Variants in XKR9 observed in about 807,000 individuals in gnomAD.
The protein encoded by XKR9 is XK-related protein 9.
In XKR9, 32 loss-of-function variants were observed where a neutral mutation model predicts 32.0. The ratio of observed to expected loss-of-function variants is 1.00; its 90% CI spans 0.76 to 1.34. The LOEUF is 1.34. Among genes scored for constraint, XKR9 ranks in the 40% most tolerant of loss-of-function variants. The pLI, the probability that XKR9 is intolerant of heterozygous loss-of-function variation, is 0.00. For synonymous variants in XKR9, 168 were observed against 143.4 expected (o/e 1.17, Z -1.22); for missense variants, 546 against 429.7 (o/e 1.27, Z -2.39).
the XKR9 span, among the ~76,000 whole-genome samples, chr8:71,022,335 T>G: frequency 6.6e-6 from 1 of 152,206 alleles, no homozygotes; most frequent in African/African-American, 2.4e-5. Flanking sequence ...ATTCCTTTAG[T>G]TTTTGCTTGT....
At chr8:70,885,565 C>T in the XKR9 span, among the ~76,000 whole-genome samples, 1 of 151,826 alleles carries the variant, frequency 6.6e-6, no homozygotes, top group Admixed American at 6.6e-5. Flanking sequence ...TCTCCCTCCC[C>T]TTTCCGTTGA....
the XKR9 span, among the ~76,000 whole-genome samples, chr8:71,023,893 A>G: frequency 2.0e-5 from 3 of 152,156 alleles, no homozygotes; most frequent in African/African-American, 4.8e-5. Context: ...GACAGGGCAG[A>G]GCAATCCCCA....
chr8:70,751,596 C>T (rs79594531), intron 2 of XKR9, among the ~76,000 whole-genome samples: 14 of 152,184 alleles, frequency 9.2e-5, no homozygotes, highest in East Asian at 5.8e-4. Context: ...AGGTACCATA[C>T]GATCATTTGA....
intron 2 of XKR9, among the ~76,000 whole-genome samples, chr8:70,766,516 T>C (rs1807377911): frequency 6.6e-6 from 1 of 152,216 alleles, no homozygotes; most frequent in African/African-American, 2.4e-5. Flanking sequence ...TGGGGTTTTC[T>C]AAATATACAA....
At chr8:70,696,979 CTGTT>C (rs1312647439) in intron 3 of XKR9, among the ~76,000 whole-genome samples, 5 of 151,410 alleles carry the variant, frequency 3.3e-5, no homozygotes, top group Non-Finnish European at 7.4e-5. Flanking sequence ...ATTTGGCTCT[CTGTT>C]TGTCTGTTAT....
At chr8:70,703,115 T>C (rs1221247976) in intron 3 of XKR9, among the ~76,000 whole-genome samples, 1 of 152,200 alleles carries the variant, frequency 6.6e-6, no homozygotes, top group Non-Finnish European at 1.5e-5. Context: ...GTCTGTATGT[T>C]ACTGGTTTTG....
intron 2 of XKR9, among the ~76,000 whole-genome samples, chr8:70,760,633 T>G (rs568032697): frequency 6.6e-6 from 1 of 152,204 alleles, no homozygotes; most frequent in Non-Finnish European, 1.5e-5. Flanking sequence ...CTGGCACATT[T>G]TAGCCATTTT....
the XKR9 span, among the ~76,000 whole-genome samples, chr8:70,917,570 C>A: frequency 6.6e-6 from 1 of 152,142 alleles, no homozygotes; most frequent in South Asian, 2.1e-4. Flanking sequence ...CAGGATGTAA[C>A]CCCATCATAA....
chr8:70,812,794 G>A, the XKR9 span, among the ~76,000 whole-genome samples: 9 of 152,214 alleles, frequency 5.9e-5, no homozygotes, highest in African/African-American at 1.9e-4. Context: ...AATAAAAGAG[G>A]ATACAAACAA....
At chr8:70,709,273 G>C (rs896202379) in intron 4 of XKR9, among the ~76,000 whole-genome samples, 3 of 152,026 alleles carry the variant, frequency 2.0e-5, no homozygotes, top group Admixed American at 2.0e-4. Flanking sequence ...CAACAAACTA[G>C]GCATCAAAGG....
chr8:70,823,442 CT>C, the XKR9 span, among the ~76,000 whole-genome samples: 2 of 152,172 alleles, frequency 1.3e-5, no homozygotes, highest in African/African-American at 4.8e-5. Context: ...GTTACTTTTC[CT>C]CAGCCTTTCT....
chr8:70,954,044 T>TA, the XKR9 span, among the ~76,000 whole-genome samples: 5 of 151,470 alleles, frequency 3.3e-5, no homozygotes, highest in South Asian at 6.3e-4. Flanking sequence ...AAATTTTTTT[T>TA]AAAAAAAAAC....
chr8:70,825,460 A>G, the XKR9 span, among the ~76,000 whole-genome samples: 1 of 152,098 alleles, frequency 6.6e-6, no homozygotes, highest in East Asian at 1.9e-4. Context: ...TCACTACTCA[A>G]TACTCAGTGA....
At chr8:70,774,474 A>G (rs754101521) in intron 2 of XKR9, among the ~76,000 whole-genome samples, 4 of 152,080 alleles carry the variant, frequency 2.6e-5, no homozygotes, top group Non-Finnish European at 4.4e-5. Flanking sequence ...AACCAAGTCA[A>G]TATTTGCCTA....
At chr8:70,887,041 T>A in the XKR9 span, among the ~76,000 whole-genome samples, 3 of 152,130 alleles carry the variant, frequency 2.0e-5, no homozygotes, top group African/African-American at 7.2e-5. Context: ...CCTTCCAGGG[T>A]TTTTATAGTT....
intron 3 of XKR9, among the ~76,000 whole-genome samples, chr8:70,685,208 A>G (rs1178825650): frequency 6.6e-6 from 1 of 151,346 alleles, no homozygotes; most frequent in Non-Finnish European, 1.5e-5. Flanking sequence ...ACATGGGTGA[A>G]ATTGGAAATC....
At chr8:70,853,107 G>A in the XKR9 span, among the ~76,000 whole-genome samples, 1 of 152,044 alleles carries the variant, frequency 6.6e-6, no homozygotes, top group South Asian at 2.1e-4. Context: ...CAACATGGAT[G>A]GAAGTATAGG....
chr8:70,964,404 A>G, the XKR9 span, among the ~76,000 whole-genome samples: 1 of 150,964 alleles, frequency 6.6e-6, no homozygotes, highest in Non-Finnish European at 1.5e-5. Context: ...TAGCATGATG[A>G]CTCCAGCTTT....
the XKR9 span, among the ~76,000 whole-genome samples, chr8:70,895,813 T>C: frequency 8.6e-6 from 1 of 116,358 alleles, no homozygotes; most frequent in Non-Finnish European, 1.7e-5. Flanking sequence ...GGCAAAACCC[T>C]ACCTCTACAA....
Sources: gnomAD v4.1 joint callset for allele counts (sites outside exome capture counted in the v4.1 genomes callset) on GRCh38, gnomAD v4.1.1 for gene constraint, MANE v1.5 for transcripts, NCBI Gene and HGNC (gene_info 2026-07-23, HGNC 2026-07-21) for gene names.